MTRFR: variants seen among roughly 807,000 people sequenced by gnomAD.
MTRFR encodes mitochondrial translation release factor in rescue.
A neutral mutation model predicts 11.9 loss-of-function variants in MTRFR; 10 were observed. That is an observed-to-expected ratio of 0.84 (90% CI 0.52 to 1.42). MTRFR has a LOEUF of 1.42. Among genes scored for constraint, MTRFR ranks in the 40% most tolerant of loss-of-function variants. MTRFR has a pLI of 0.00. For synonymous variants in MTRFR, 77 were observed against 79.1 expected (o/e 0.97, Z 0.14); for missense variants, 196 against 197.9 (o/e 0.99, Z 0.06).
intron 1 of MTRFR, among the ~76,000 whole-genome samples, chr12:123,234,381 C>T (rs1249118389): frequency 2.2e-5 from 3 of 136,096 alleles, no homozygotes; most frequent in Non-Finnish European, 3.2e-5. Flanking sequence ...TTTTTTTTTA[C>T]TTTTTTTATT....
chr12:123,249,024 G>T (rs1486585577), intron 1 of MTRFR: 1 of 152,008 alleles, frequency 6.6e-6, no homozygotes, highest in Non-Finnish European at 1.5e-5. Flanking sequence ...GTGCTGATTG[G>T]TGCATTTACA....
At position 123,257,321 on chromosome 12, in the gene MTRFR, C is replaced by G. The variant is rs1172790459; in HGVS notation, c.*290C>G. 3.1e-6 allele frequency: 1 copy of G among 325,482 alleles called. No individual in the cohort carries two copies. The highest frequency in any genetic ancestry group is 2.2e-5 in the African/African-American group (1 of 45,950). 20.2% of individuals were successfully genotyped at this position (325,482 alleles called of 1,614,324 possible). On this transcript the variant is annotated 3_prime_UTR_variant, in exon 3 of 3. Coordinates refer to ENST00000253233, the MANE Select transcript of MTRFR (RefSeq NM_152269.5). The stretch of plus-strand genomic sequence containing the variant: ...CTTGAGGTCAGGAGTTTGAGACCAG[C>G]CTGGCCAACATGGTGAAACCCCGTC...
At chr12:123,243,268 CGCCTGTAATCCCA>C (rs144871428) in intron 1 of MTRFR, among the ~76,000 whole-genome samples, 7,250 of 151,624 alleles carry the variant, frequency 0.048, 305 homozygotes, top group East Asian at 0.25. Flanking sequence ...CAATGGCTCA[CGCCTGTAATCCCA>C]GCACTTTGGG....
chr12:123,253,488 G>A (rs779846823), intron 1 of MTRFR, 159 bp from the exon 2 acceptor site: 19 of 682,096 alleles, frequency 2.8e-5, no homozygotes, highest in South Asian at 5.2e-5. Context: ...GGAGAGGGGC[G>A]TCTTGCTGAA....
chr12:123,253,485 G>T lies in MTRFR; in HGVS notation c.-28-162G>T. On this transcript the variant is annotated intron_variant, in intron 1 of 2. Transcript: ENST00000253233. ...CAGACAGTGCAAGGCTGAGGAGAGG[G>T]GCGTCTTGCTGAATAATGTGTCTCT... 1.0e-5 allele frequency: 7 copies of T among 667,368 alleles called. No homozygotes were observed. The South Asian group carries it at 1.2e-4, about 12-fold the overall frequency. The allele number at this position is 667,368 out of a possible 1,614,324, so 41.3% of individuals were successfully genotyped here. A position where few individuals can be genotyped will look rare whatever the true frequency, so the allele number is the denominator to read the frequency against.
At chr12:123,234,655 C>G (rs2047809425) in intron 1 of MTRFR, among the ~76,000 whole-genome samples, 1 of 152,206 alleles carries the variant, frequency 6.6e-6, no homozygotes, top group African/African-American at 2.4e-5. Flanking sequence ...CCTCGGCCAC[C>G]CAAAGTGCTG....
At chr12:123,235,610 GA>G (rs2047836662) in intron 1 of MTRFR, among the ~76,000 whole-genome samples, 1 of 150,490 alleles carries the variant, frequency 6.6e-6, no homozygotes, top group Non-Finnish European at 1.5e-5. Flanking sequence ...CTGACCTCAT[GA>G]TCCACCTGCC....
intron 1 of MTRFR, among the ~76,000 whole-genome samples, chr12:123,247,944 C>CA (rs1201161319): frequency 2.5e-3 from 361 of 142,718 alleles, no homozygotes; most frequent in African/African-American, 7.1e-3. Context: ...GACTCTGTCT[C>CA]AAAAAAAAAA....
intron 1 of MTRFR, chr12:123,251,655 A>C (rs2048112865): frequency 6.5e-6 from 1 of 152,838 alleles, no homozygotes; most frequent in African/African-American, 2.4e-5. Flanking sequence ...TCCCTTTCCC[A>C]CTTCCACAGT....
intron 1 of MTRFR, among the ~76,000 whole-genome samples, chr12:123,245,424 G>GT (rs1243092325): frequency 2.6e-5 from 4 of 152,062 alleles, no homozygotes; most frequent in African/African-American, 9.7e-5. Flanking sequence ...AAGAATGATG[G>GT]TGGTGGTATT....
intron 1 of MTRFR, chr12:123,243,894 C>T (rs1172313103): frequency 1.3e-5 from 2 of 152,182 alleles, no homozygotes; most frequent in Non-Finnish European, 2.9e-5. Context: ...CCTGCTTCCT[C>T]CTCAGTGGGT....
intron 1 of MTRFR, among the ~76,000 whole-genome samples, chr12:123,244,166 C>G (rs183086540): frequency 9.1e-4 from 138 of 152,306 alleles, no homozygotes; most frequent in Non-Finnish European, 1.6e-3. Flanking sequence ...CGCGGTGTGG[C>G]TCACTCCTGT....
rs2048192268 is a variant in MTRFR, at chr12:123,257,190, G to C, written c.*159G>C. 4.2e-5 allele frequency: 29 copies of C among 684,146 alleles called. 1 individual carries two copies. In the South Asian group the frequency reaches 5.1e-4, roughly 12 times the overall value. 42.4% of individuals were successfully genotyped at this position (684,146 alleles called of 1,614,324 possible). ...TATTTAAATGGTGCACTAAACTGTA[G>C]TGAACAGAGACATGCACGATTCAAG... On this transcript the variant is annotated 3_prime_UTR_variant, in exon 3 of 3. Transcript: ENST00000253233.
chr12:123,236,592 C>CAA lies in MTRFR; in HGVS notation c.-29+3074_-29+3075dup, dbSNP rs113568323. The stretch of plus-strand genomic sequence containing the variant: ...TGGGTGACAGAGGGAGACCCTGTCT[C>CAA]AAAAAAAAAAAAAAGAAGAAGAAAC... On this transcript the variant is annotated intron_variant, in intron 1 of 2. Transcript: ENST00000253233. Among the ~76,000 whole-genome samples the CAA allele has an allele frequency of 1.6e-3, 165 of 105,942 alleles. 2 individuals are homozygous for CAA. The highest frequency in any genetic ancestry group is 1.3e-3 in the East Asian group (5 of 3,724). The allele number at this position is 105,942 out of a possible 152,430, so 69.5% of individuals were successfully genotyped here.
At position 123,253,877 on chromosome 12, in the gene MTRFR, A is replaced by C. The variant is rs774214057; in HGVS notation, c.203A>C (p.His68Pro). 1 of 1,614,192 alleles carries C rather than the reference A, an allele frequency of 6.2e-7. No individual in the cohort carries two copies. Among genetic ancestry groups the C allele is most frequent in the African/African-American group, 1.3e-5 (1 of 75,048 alleles). ...NELEEQFVKG[H>P]GPGGQATNKT... is the part of the protein sequence containing the mutation. ...CTCGAAGAGCAGTTTGTGAAAGGACACGGTCCAGGGGGCCAGGCAACCAAC... is the reference window on the plus strand; with the variant it reads ...CTCGAAGAGCAGTTTGTGAAAGGACCCGGTCCAGGGGGCCAGGCAACCAAC... The change falls in exon 2 of 3, where the codon CAC (histidine) becomes CCC (proline). Residue 68 changes from histidine to proline, a missense_variant. By Grantham distance (77) the His-to-Pro change is moderately conservative. Coordinates refer to ENST00000253233, the MANE Select transcript of MTRFR (RefSeq NM_152269.5).
intron 1 of MTRFR, among the ~76,000 whole-genome samples, chr12:123,236,292 T>C (rs2047849112): frequency 6.6e-6 from 1 of 152,060 alleles, no homozygotes; most frequent in South Asian, 2.1e-4. Context: ...AATACAATAA[T>C]GTATTTGAAA....
chr12:123,253,547 A>T (rs1328774360), intron 1 of MTRFR, 100 bp from the exon 2 acceptor site: 1 of 1,151,900 alleles, frequency 8.7e-7, no homozygotes, highest in Non-Finnish European at 1.3e-6. Context: ...CAGATGGGTC[A>T]TCATTTGAAT....
chr12:123,255,659 C>G (rs1442229897), intron 2 of MTRFR, among the ~76,000 whole-genome samples: 2 of 151,896 alleles, frequency 1.3e-5, no homozygotes, highest in Non-Finnish European at 2.9e-5. Context: ...CAGTCTTGCT[C>G]TATTGCCCAG....
At chr12:123,236,399 G>T (rs1410154013) in intron 1 of MTRFR, among the ~76,000 whole-genome samples, 4 of 151,766 alleles carry the variant, frequency 2.6e-5, no homozygotes, top group Non-Finnish European at 5.9e-5. Context: ...TTCGAGACCT[G>T]CCTGGGCAAC....
Sources: allele counts gnomAD v4.1 joint callset (sites outside exome capture counted in the v4.1 genomes callset), GRCh38; gene constraint gnomAD v4.1.1; transcripts MANE v1.5; gene names NCBI Gene and HGNC (gene_info 2026-07-23, HGNC 2026-07-21).